The following ANKRD11 variants were observed in gnomAD, a reference collection of about 807,000 sequenced individuals.
The protein encoded by ANKRD11 is ankyrin repeat domain 11.
ANKRD11 carries 17 observed loss-of-function variants against 195.7 expected under a neutral mutation model. The observed-to-expected ratio is 0.09, with a 90% CI of 0.06 to 0.13. The LOEUF (loss-of-function observed/expected upper bound fraction) is 0.13, where lower values mean the gene tolerates loss of function less well. ANKRD11 is among the 10% of genes least tolerant of loss of function. The probability of loss-of-function intolerance (pLI) is 1.00; values close to 1 mark genes in which losing one functional copy is unlikely to be tolerated. For missense variants in ANKRD11, 3,735 were observed against 3,566.1 expected, an observed-to-expected ratio of 1.05 and a Z score of -1.21; for synonymous variants, 1,953 against 1,528.1, an observed-to-expected ratio of 1.28 and a Z score of -6.49.
intron 4 of ANKRD11, chr16:89,297,836 AAAGACAGGGCCTACCCCTGTCTGC>A: frequency 6.6e-6 from 1 of 152,264 alleles, no homozygotes; most frequent in Non-Finnish European, 1.5e-5. Flanking sequence ...TCACTTAAAG[AAAGACAGGGCCTACCCCTGTCTGC>A]TGCGTGACCT....
chr16:89,319,518 A>G (rs1313302390), intron 2 of ANKRD11, among the ~76,000 whole-genome samples: 1 of 152,136 alleles, frequency 6.6e-6, no homozygotes, highest in Non-Finnish European at 1.5e-5. Flanking sequence ...GACAGCTAAG[A>G]CCATCCAGGC....
At chr16:89,397,267 G>T (rs181626164) in intron 2 of ANKRD11, among the ~76,000 whole-genome samples, 1 of 152,300 alleles carries the variant, frequency 6.6e-6, no homozygotes, top group African/African-American at 2.4e-5. Flanking sequence ...TCCACCTCCA[G>T]GACAGACACC....
At chr16:89,409,690 A>C (rs183408058) in intron 2 of ANKRD11, among the ~76,000 whole-genome samples, 13 of 152,272 alleles carry the variant, frequency 8.5e-5, no homozygotes, top group African/African-American at 2.9e-4. Flanking sequence ...TCGTGTTACT[A>C]AAAGTTTCCA....
At chr16:89,413,825 G>A (rs556035645) in intron 2 of ANKRD11, among the ~76,000 whole-genome samples, 77 of 152,148 alleles carry the variant, frequency 5.1e-4, no homozygotes, top group Middle Eastern at 3.2e-3. Flanking sequence ...GCCCTAGGAT[G>A]CAGAGGGGCC....
rs57087808 is a variant in ANKRD11, at chr16:89,271,098, C to T, written c.7714-189G>A. The T allele has an allele frequency of 4.3e-3, 2,852 of 655,674 alleles. 60 individuals are homozygous for T. The African/African-American group carries it at 0.045, about 10-fold the overall frequency. 40.6% of individuals were successfully genotyped at this position (655,674 alleles called of 1,614,324 possible). Reference sequence around the variant, plus strand: ...CACCCTGCCCATCTCCCTAAACAGCCTCCCTAAAATGCGCGTGGAGGCAGC... The same window carrying T: ...CACCCTGCCCATCTCCCTAAACAGCTTCCCTAAAATGCGCGTGGAGGCAGC... On this transcript the variant is annotated intron_variant, in intron 11 of 12. Transcript: ENST00000301030.
chr16:89,390,535 T>C (rs1439837299), intron 2 of ANKRD11, among the ~76,000 whole-genome samples: 1 of 152,126 alleles, frequency 6.6e-6, no homozygotes, highest in Non-Finnish European at 1.5e-5. Context: ...CTGTAAACTC[T>C]AGTGATCCAA....
In ANKRD11 at chr16:89,291,774, G is replaced by A; in HGVS notation, c.227-591C>T. On this transcript the variant is annotated intron_variant, in intron 4 of 12. Coordinates refer to ENST00000301030, the MANE Select transcript of ANKRD11 (RefSeq NM_013275.6). The surrounding 1 kb of genome is among the most constrained non-coding windows in gnomAD (Gnocchi z 5.3). ...CACCACAACAGGGACTGGGCTGGAG[G>A]CATCTGAAGGCATCAACACAGAGCA... The A allele has an allele frequency of 7.8e-7, 1 of 1,289,724 alleles. No homozygotes were observed. The highest frequency in any genetic ancestry group is 1.0e-6 in the Non-Finnish European group (1 of 988,826). The allele number at this position is 1,289,724 out of a possible 1,614,324, so 79.9% of individuals were successfully genotyped here.
intron 2 of ANKRD11, among the ~76,000 whole-genome samples, chr16:89,340,859 GC>G (rs2038623667): frequency 6.6e-6 from 1 of 152,128 alleles, no homozygotes; most frequent in Admixed American, 6.5e-5. Context: ...CACAGCTTTT[GC>G]CCAATTCTCA....
intron 1 of ANKRD11, among the ~76,000 whole-genome samples, chr16:89,471,295 A>G (rs1597511004): frequency 6.6e-6 from 1 of 152,200 alleles, no homozygotes; most frequent in Non-Finnish European, 1.5e-5. Flanking sequence ...CTTTCGAGGA[A>G]CTGTGTGCAA....
intron 2 of ANKRD11, among the ~76,000 whole-genome samples, chr16:89,415,610 T>C (rs2042268350): frequency 3.3e-5 from 5 of 151,118 alleles, no homozygotes. Flanking sequence ...GATAAAACAA[T>C]GGAGAACAGG....
chr16:89,453,240 C>T (rs921856022), intron 1 of ANKRD11, among the ~76,000 whole-genome samples: 1 of 152,300 alleles, frequency 6.6e-6, no homozygotes, highest in Non-Finnish European at 1.5e-5. Flanking sequence ...ACTTCTCTGA[C>T]ATTAAATTTT....
intron 3 of ANKRD11, among the ~76,000 whole-genome samples, chr16:89,306,835 C>T (rs1248229857): frequency 8.2e-6 from 1 of 121,846 alleles, no homozygotes; most frequent in South Asian, 3.1e-4. Flanking sequence ...CACAGACACG[C>T]GCCACTTACC....
intron 3 of ANKRD11, among the ~76,000 whole-genome samples, chr16:89,310,755 G>C (rs1371341530): frequency 1.3e-5 from 2 of 152,180 alleles, no homozygotes; most frequent in Non-Finnish European, 1.5e-5. Flanking sequence ...CGAGTATTTA[G>C]AAATACACTT....
At chr16:89,443,595 C>G (rs987214194) in intron 1 of ANKRD11, among the ~76,000 whole-genome samples, 25 of 152,186 alleles carry the variant, frequency 1.6e-4, no homozygotes, top group African/African-American at 5.8e-4. Context: ...CTACTAGCTG[C>G]CTGCCACGCA....
intron 1 of ANKRD11, among the ~76,000 whole-genome samples, chr16:89,438,127 G>T (rs1415979289): frequency 6.6e-6 from 1 of 152,208 alleles, no homozygotes; most frequent in African/African-American, 2.4e-5. Context: ...ACTGGAGATG[G>T]GTCCACGAAC....
chr16:89,414,036 C>A (rs1349232797), intron 2 of ANKRD11, among the ~76,000 whole-genome samples: 1 of 149,404 alleles, frequency 6.7e-6, no homozygotes, highest in African/African-American at 2.5e-5. Flanking sequence ...GCCTGCACAC[C>A]CTCCGCCACG....
At chr16:89,384,323 G>C (rs2040795355) in intron 2 of ANKRD11, among the ~76,000 whole-genome samples, 1 of 152,098 alleles carries the variant, frequency 6.6e-6, no homozygotes, top group South Asian at 2.1e-4. Flanking sequence ...CTGAGGTCAG[G>C]AGTTCGAGAC....
intron 2 of ANKRD11, among the ~76,000 whole-genome samples, chr16:89,332,047 G>C (rs1360774189): frequency 6.6e-6 from 1 of 152,098 alleles, no homozygotes; most frequent in Non-Finnish European, 1.5e-5. Context: ...AGAACTTTGG[G>C]AGGCTGAGGT....
chr16:89,448,333 A>C (rs533861290), intron 1 of ANKRD11, among the ~76,000 whole-genome samples: 1 of 152,346 alleles, frequency 6.6e-6, no homozygotes, highest in Admixed American at 6.5e-5. Flanking sequence ...AAACAGTCCA[A>C]TGGTGAAACC....
Sources: gnomAD v4.1 joint callset for allele counts (sites outside exome capture counted in the v4.1 genomes callset) on GRCh38, gnomAD v4.1.1 for gene constraint, Gnocchi (gnomAD v3.1) non-coding constraint, MANE v1.5 for transcripts, NCBI Gene and HGNC (gene_info 2026-07-23, HGNC 2026-07-21) for gene names.